Variants in LMLN observed in about 807,000 individuals in gnomAD.
LMLN encodes the protein leishmanolysin like peptidase.
LMLN carries 70 observed loss-of-function variants against 92.3 expected under a neutral mutation model. The ratio of observed to expected loss-of-function variants is 0.76; its 90% CI spans 0.63 to 0.92. The LOEUF is 0.92. LMLN is among the 40% of genes least tolerant of loss of function. LMLN has a pLI of 0.00. For missense variants in LMLN, 691 were observed against 814.6 expected (o/e 0.85, Z 1.85); for synonymous variants, 308 against 296.2 (o/e 1.04, Z -0.41).
At chr3:198,024,213 A>ATT (rs1245381667) in intron 13 of LMLN, among the ~76,000 whole-genome samples, 19 of 134,956 alleles carry the variant, frequency 1.4e-4, no homozygotes, top group African/African-American at 1.9e-4. Flanking sequence ...GTGGATCCTA[A>ATT]TTTTTTTTTT....
At chr3:197,989,431 A>G (rs1721803791) in intron 8 of LMLN, among the ~76,000 whole-genome samples, 1 of 152,192 alleles carries the variant, frequency 6.6e-6, no homozygotes, top group African/African-American at 2.4e-5. Context: ...GTGGTGAAAA[A>G]GGGATTTAAC....
rs1560150081 is a variant in LMLN, at chr3:198,013,820, C to CT, written c.1233-5433_1233-5432insT. ...CACCCTTCAGAGCCTCCTAACTAGTCGGACTTCTCTGTACCCTTCAGAGCC... is the reference window on the plus strand; with the variant it reads ...CACCCTTCAGAGCCTCCTAACTAGTCTGGACTTCTCTGTACCCTTCAGAGCC... On this transcript the variant is annotated intron_variant, in intron 11 of 15. Transcript: ENST00000330198. 1.6e-5 allele frequency among the ~76,000 whole-genome samples: 2 copies of CT among 124,450 alleles called. 1 individual carries two copies. Among genetic ancestry groups the CT allele is most frequent in the African/African-American group, 8.0e-5 (2 of 25,004 alleles). The allele number at this position is 124,450 out of a possible 152,430, so 81.6% of individuals were successfully genotyped here. A position where few individuals can be genotyped will look rare whatever the true frequency, so the allele number is the denominator to read the frequency against.
Position 198,024,344 on chromosome 3 carries a change from T to C in LMLN, c.1526-314T>C, listed in dbSNP as rs530914951. 1.4e-3 allele frequency among the ~76,000 whole-genome samples: 218 copies of C among 151,500 alleles called. 2 individuals are homozygous for C. Among genetic ancestry groups the C allele is most frequent in the Non-Finnish European group, 2.3e-3 (159 of 67,888 alleles). On this transcript the variant is annotated intron_variant, in intron 13 of 15. Transcript: ENST00000330198. ...CATTCTCCTGCCTCAGCCTCCCGAG[T>C]AGCTGGGACTACAGGCGCCCGCCAC...
chr3:197,982,190 C>A (rs183922136), intron 6 of LMLN, among the ~76,000 whole-genome samples: 1 of 150,872 alleles, frequency 6.6e-6, no homozygotes, highest in Admixed American at 6.6e-5. Flanking sequence ...ACTAACTTCT[C>A]CTAGATTTGT....
rs894691274 is a variant in LMLN at position 197,976,525 on chromosome 3, G to C, written c.432-73G>C. On this transcript the variant is annotated intron_variant, in intron 4 of 15. Coordinates refer to ENST00000330198, the Ensembl canonical transcript of LMLN. ...GAAGTAATATAGCAGCTACCAGTTGGTTTCCATGTTTTTAACTGCTATAAA... is the reference window on the plus strand; with the variant it reads ...GAAGTAATATAGCAGCTACCAGTTGCTTTCCATGTTTTTAACTGCTATAAA... 19 of 776,562 alleles carry C rather than the reference G, an allele frequency of 2.4e-5. No individual in the cohort carries two copies. In the Middle Eastern group the frequency reaches 1.4e-3, roughly 55 times the overall value. 48.1% of individuals were successfully genotyped at this position (776,562 alleles called of 1,614,324 possible). A position where few individuals can be genotyped will look rare whatever the true frequency, so the allele number is the denominator to read the frequency against.
At chr3:197,991,764 T>TAA (rs1239950159) in intron 9 of LMLN, among the ~76,000 whole-genome samples, 1 of 152,180 alleles carries the variant, frequency 6.6e-6, no homozygotes. Flanking sequence ...CTCTGACTTC[T>TAA]AAAGTTCTGC....
At chr3:198,041,157 G>C (rs186491663) in exon 16 of LMLN, 1 of 152,204 alleles carries the variant, frequency 6.6e-6, no homozygotes, top group Non-Finnish European at 1.5e-5. Flanking sequence ...GAGGAAAGTC[G>C]CTTTTTTTTC....
At chr3:198,007,134 C>G (rs922028615) in intron 11 of LMLN, among the ~76,000 whole-genome samples, 6 of 152,124 alleles carry the variant, frequency 3.9e-5, no homozygotes, top group African/African-American at 1.4e-4. Flanking sequence ...CAGTACATAG[C>G]TTGTCTTTTT....
exon 1 of LMLN, chr3:197,960,256 A>G: frequency 1.2e-6 from 2 of 1,611,992 alleles, no homozygotes; most frequent in South Asian, 1.1e-5. Flanking sequence ...ATGGCGGCCG[A>G]ATGGGGCGGA....
At chr3:198,036,567 G>C (rs979018642) in intron 15 of LMLN, among the ~76,000 whole-genome samples, 1 of 152,096 alleles carries the variant, frequency 6.6e-6, no homozygotes, top group Admixed American at 6.5e-5. Context: ...GAATAGGACC[G>C]AGTGCTCGTT....
chr3:198,002,508 C>T (rs1227958392), intron 11 of LMLN, among the ~76,000 whole-genome samples: 1 of 152,186 alleles, frequency 6.6e-6, no homozygotes, highest in Admixed American at 6.5e-5. Context: ...CAGGCCAAGG[C>T]GGGTGGATCA....
intron 11 of LMLN, among the ~76,000 whole-genome samples, chr3:198,005,934 T>C (rs776924717): frequency 3.6e-4 from 55 of 152,122 alleles, no homozygotes; most frequent in Non-Finnish European, 4.9e-4. Flanking sequence ...CTGGCCAACA[T>C]AGTGAAACCC....
At chr3:197,986,170 C>A (rs1015181674) in intron 8 of LMLN, among the ~76,000 whole-genome samples, 1 of 152,160 alleles carries the variant, frequency 6.6e-6, no homozygotes, top group African/African-American at 2.4e-5. Flanking sequence ...TCAAAAGCAT[C>A]AAACCTTCCG....
At chr3:197,982,223 C>CTTTT (rs1241377836) in intron 6 of LMLN, among the ~76,000 whole-genome samples, 29 of 116,554 alleles carry the variant, frequency 2.5e-4, no homozygotes, top group African/African-American at 4.2e-4. Flanking sequence ...CAGTTACCTT[C>CTTTT]TTTTTTTTTT....
intron 1 of LMLN, among the ~76,000 whole-genome samples, chr3:197,971,317 A>G (rs369029197): frequency 1.3e-5 from 2 of 152,186 alleles, no homozygotes; most frequent in South Asian, 4.1e-4. Flanking sequence ...TGGTGGCAGG[A>G]GAGAGAAGTA....
At chr3:197,991,952 G>C (rs1203197554) in intron 9 of LMLN, among the ~76,000 whole-genome samples, 3 of 147,676 alleles carry the variant, frequency 2.0e-5, no homozygotes, top group Non-Finnish European at 4.5e-5. Context: ...ACCTCTGCCT[G>C]CTGGGTTCAA....
intron 1 of LMLN, among the ~76,000 whole-genome samples, chr3:197,963,829 A>G (rs1720973757): frequency 6.6e-6 from 1 of 152,208 alleles, no homozygotes; most frequent in African/African-American, 2.4e-5. Flanking sequence ...AGCAAAAGTG[A>G]GATAGCACGC....
chr3:197,985,390 T>TACACACACACACACAC (rs142039210), intron 7 of LMLN, among the ~76,000 whole-genome samples: 3 of 142,402 alleles, frequency 2.1e-5, no homozygotes, highest in African/African-American at 7.8e-5. Flanking sequence ...TTTCATAATG[T>TACACACACACACACAC]ACACACACAC....
chr3:197,973,689 CTATGT>C (rs1247808581), intron 1 of LMLN, among the ~76,000 whole-genome samples: 3 of 152,162 alleles, frequency 2.0e-5, no homozygotes, highest in African/African-American at 7.2e-5. Context: ...GTGACTGTTA[CTATGT>C]TATATTAATA....
Sources: gnomAD v4.1 joint callset for allele counts (sites outside exome capture counted in the v4.1 genomes callset) on GRCh38, gnomAD v4.1.1 for gene constraint, MANE v1.5 for transcripts, NCBI Gene and HGNC (gene_info 2026-07-23, HGNC 2026-07-21) for gene names.